Variants in EPHA5 observed in about 807,000 individuals in gnomAD.
EPHA5 encodes the protein ephrin type-A receptor 5.
A neutral mutation model predicts 105.0 loss-of-function variants in EPHA5; 60 were observed. The ratio of observed to expected loss-of-function variants is 0.57; its 90% confidence interval spans 0.46 to 0.71. The LOEUF is 0.71. Among genes scored for constraint, EPHA5 ranks in the 30% least tolerant of loss-of-function variants. EPHA5 has a pLI of 0.00. For missense variants in EPHA5, 1,218 were observed against 1,274.7 expected, an observed-to-expected ratio of 0.96 and a Z score of 0.68; for synonymous variants, 513 against 449.1, an observed-to-expected ratio of 1.14 and a Z score of -1.80.
intron 11 of EPHA5, among the ~76,000 whole-genome samples, chr4:65,363,016 G>A (rs769084696): frequency 6.6e-6 from 1 of 151,594 alleles, no homozygotes; most frequent in Non-Finnish European, 1.5e-5. Flanking sequence ...AGGACAAAGT[G>A]GAAGGGATTG....
chr4:65,325,120 T>C (rs1719952951), intron 16 of EPHA5, among the ~76,000 whole-genome samples: 1 of 151,368 alleles, frequency 6.6e-6, no homozygotes, highest in Admixed American at 6.6e-5. Flanking sequence ...GACAAAGATG[T>C]TTGCCATGTT....
chr4:65,596,681 A>ACACACAC (rs112783438), intron 3 of EPHA5, among the ~76,000 whole-genome samples: 6 of 150,474 alleles, frequency 4.0e-5, no homozygotes, highest in African/African-American at 1.5e-4. Flanking sequence ...ACAAAAGCAG[A>ACACACAC]ACACACACAC....
chr4:65,326,014 C>CATATAT (rs35999982), intron 16 of EPHA5, among the ~76,000 whole-genome samples: 12 of 144,110 alleles, frequency 8.3e-5, no homozygotes, highest in Admixed American at 6.3e-4. Context: ...ATATATATCT[C>CATATAT]ATATATATAT....
chr4:65,574,711 T>C (rs796493750), intron 3 of EPHA5, among the ~76,000 whole-genome samples: 8,167 of 80,682 alleles, frequency 0.1, 893 homozygotes, highest in Non-Finnish European at 0.15. Context: ...TATATATACA[T>C]ATATATATAC....
At chr4:65,667,902 C>T (rs978462156) in intron 1 of EPHA5, among the ~76,000 whole-genome samples, 1 of 152,052 alleles carries the variant, frequency 6.6e-6, no homozygotes, top group Non-Finnish European at 1.5e-5. Context: ...TGGAATAAGA[C>T]AGTTAATAAA....
Position 65,559,208 on chromosome 4 carries a change from A to G in EPHA5, c.910+42433T>C, listed in dbSNP as rs1738765659. 2.0e-5 allele frequency among the ~76,000 whole-genome samples: 3 copies of G among 152,162 alleles called. No individual in the cohort carries two copies. The South Asian group carries it at 6.2e-4, about 32-fold the overall frequency. ...TTTATTTTTCTCCAACCACTTTTTA[A>G]AATGTATTTATTGTTCAACAATAAT... On this transcript the variant is annotated intron_variant, in intron 3 of 16. Transcript: ENST00000613740.
chr4:65,620,812 C>T (rs1323787598), intron 2 of EPHA5, among the ~76,000 whole-genome samples: 2 of 152,140 alleles, frequency 1.3e-5, no homozygotes, highest in African/African-American at 4.8e-5. Flanking sequence ...ATTCAGAAAA[C>T]ATCCGGTAAC....
chr4:65,633,996 G>A (rs541642535), intron 2 of EPHA5, among the ~76,000 whole-genome samples: 1 of 152,184 alleles, frequency 6.6e-6, no homozygotes, highest in African/African-American at 2.4e-5. Flanking sequence ...GGATGGAGGG[G>A]AGAAGAGATG....
At chr4:65,404,556 A>T (rs1578032729) in intron 7 of EPHA5, 77 bp from the exon 8 acceptor site, 1 of 1,251,536 alleles carries the variant, frequency 8.0e-7, no homozygotes, top group East Asian at 2.4e-5. Flanking sequence ...CTTAATAGAC[A>T]GTAATCAATT....
chr4:65,535,392 C>T (rs4860679), intron 3 of EPHA5, among the ~76,000 whole-genome samples: 132,677 of 152,104 alleles, frequency 0.87, 58,000 homozygotes, highest in Admixed American at 0.9. Flanking sequence ...GGTGACTGCC[C>T]GCACGTAGTT....
chr4:65,371,556 G>A (rs1298351471), intron 8 of EPHA5, among the ~76,000 whole-genome samples: 1 of 151,998 alleles, frequency 6.6e-6, no homozygotes, highest in Non-Finnish European at 1.5e-5. Context: ...GAGATGGACA[G>A]CCAACGAATA....
intron 8 of EPHA5, among the ~76,000 whole-genome samples, chr4:65,401,042 G>T (rs1254109209): frequency 6.6e-6 from 1 of 151,782 alleles, no homozygotes; most frequent in Non-Finnish European, 1.5e-5. Context: ...GTGTGTGTGT[G>T]TGTGCATGTG....
At chr4:65,539,571 C>T (rs570254139) in intron 3 of EPHA5, among the ~76,000 whole-genome samples, 1 of 151,558 alleles carries the variant, frequency 6.6e-6, no homozygotes, top group African/African-American at 2.4e-5. Flanking sequence ...TATGTTCCAC[C>T]AGCTGCACCA....
At chr4:65,628,112 A>G (rs939100264) in intron 2 of EPHA5, among the ~76,000 whole-genome samples, 2 of 152,100 alleles carry the variant, frequency 1.3e-5, no homozygotes, top group African/African-American at 4.8e-5. Context: ...AAAAATGGAC[A>G]TCTTTAAGTA....
Position 65,601,836 on chromosome 4 carries a change from G to T in EPHA5, c.715C>A (p.His239Asn). 1 of 1,614,142 alleles carries T rather than the reference G, an allele frequency of 6.2e-7. No individual in the cohort carries two copies. The highest frequency in any genetic ancestry group is 2.2e-5 in the East Asian group (1 of 44,874). Residue 239 changes from histidine (H) to asparagine (N), a missense_variant, in exon 3 of 17, where the codon CAC becomes AAC. Transcript: ENST00000613740. ...YYKKCPSVVR[H>N]LAVFPDTITG... Reference sequence around the variant, plus strand: ...ATGGTGTCAGGGAAGACAGCCAAGTGTCGTACCACAGAAGGGCATTTTTTA... The same window carrying T: ...ATGGTGTCAGGGAAGACAGCCAAGTTTCGTACCACAGAAGGGCATTTTTTA...
chr4:65,378,880 A>G (rs1395678478), intron 8 of EPHA5, among the ~76,000 whole-genome samples: 1 of 151,878 alleles, frequency 6.6e-6, no homozygotes, highest in African/African-American at 2.4e-5. Context: ...TAACAATAAA[A>G]TTACCTCAAT....
intron 1 of EPHA5, among the ~76,000 whole-genome samples, chr4:65,659,102 A>C (rs1749316097): frequency 1.3e-5 from 2 of 152,032 alleles, no homozygotes; most frequent in African/African-American, 2.4e-5. Flanking sequence ...TGTTATAAAA[A>C]GTAGTGCTGC....
chr4:65,588,833 C>A (rs993583991), intron 3 of EPHA5, among the ~76,000 whole-genome samples: 3 of 152,054 alleles, frequency 2.0e-5, no homozygotes, highest in African/African-American at 7.2e-5. Context: ...GTTGAGTGTG[C>A]TCCTATGTTC....
chr4:65,610,138 T>C (rs1744626820), intron 2 of EPHA5, among the ~76,000 whole-genome samples: 1 of 152,038 alleles, frequency 6.6e-6, no homozygotes, highest in East Asian at 1.9e-4. Context: ...ATATAGACTA[T>C]GGAATAGTCT....
Sources: gnomAD v4.1 joint callset for allele counts (sites outside exome capture counted in the v4.1 genomes callset) on GRCh38, gnomAD v4.1.1 for gene constraint, MANE v1.5 for transcripts, NCBI Gene and HGNC (gene_info 2026-07-23, HGNC 2026-07-21) for gene names.